The following ITIH2 variants were observed in gnomAD, a reference collection of about 807,000 sequenced individuals.
ITIH2 encodes inter-alpha-trypsin inhibitor heavy chain 2, also known as inter-alpha-trypsin inhibitor heavy chain H2.
ITIH2 carries 103 observed loss-of-function variants against 104.4 expected under a neutral mutation model. The ratio of observed to expected loss-of-function variants is 0.99; its 90% CI spans 0.84 to 1.16. ITIH2 has a LOEUF of 1.16. ITIH2 is among the 50% of genes most tolerant of loss of function. ITIH2 has a pLI of 0.00. For synonymous variants in ITIH2, 436 were observed against 435.4 expected (o/e 1.00, Z -0.02); for missense variants, 1,108 against 1,162.4 (o/e 0.95, Z 0.68).
chr10:7,733,932 T>C (rs1319019948), intron 14 of ITIH2, among the ~76,000 whole-genome samples: 1 of 151,502 alleles, frequency 6.6e-6, no homozygotes, highest in Non-Finnish European at 1.5e-5. Flanking sequence ...AAACGAGAAA[T>C]AGCTCCCTCT....
chr10:7,720,315 A>G (rs1834889605), intron 6 of ITIH2, among the ~76,000 whole-genome samples: 1 of 152,226 alleles, frequency 6.6e-6, no homozygotes, highest in Admixed American at 6.5e-5. Context: ...TTACACAAAA[A>G]TATAAACAAA....
chr10:7,704,732 G>A (rs58674050), intron 1 of ITIH2, among the ~76,000 whole-genome samples: 1 of 152,310 alleles, frequency 6.6e-6, no homozygotes, highest in African/African-American at 2.4e-5. Context: ...CAGAGGTAGA[G>A]GAAAGAATAT....
chr10:7,746,847 C>T, intron 20 of ITIH2, 143 bp downstream of exon 20: 2 of 584,018 alleles, frequency 3.4e-6, no homozygotes, highest in Non-Finnish European at 3.2e-6. Flanking sequence ...ACGCACACAG[C>T]ATTCGCATAA....
intron 14 of ITIH2, 23 bp downstream of exon 14, chr10:7,732,500 A>G: frequency 1.3e-6 from 2 of 1,599,992 alleles, no homozygotes; most frequent in Non-Finnish European, 1.7e-6. Context: ...GAGTACCCAC[A>G]CCACGAGATC....
intron 4 of ITIH2, among the ~76,000 whole-genome samples, chr10:7,711,154 T>C (rs1160070671): frequency 3.9e-5 from 6 of 152,176 alleles, no homozygotes; most frequent in Non-Finnish European, 8.8e-5. Context: ...GTGTTCTCAT[T>C]GTTCAACTCC....
rs184807673 is a variant in ITIH2 at position 7,713,625 on chromosome 10, A to G, written c.467+340A>G. The stretch of plus-strand genomic sequence containing the variant: ...GTGATCTTGTTACGAAACTTAACAT[A>G]TAAGCAGAAGGAAAAGTTTGAAATT... On this transcript the variant is annotated intron_variant, in intron 5 of 20. Transcript: ENST00000358415. Among the ~76,000 whole-genome samples the G allele has an allele frequency of 1.6e-3, 244 of 152,384 alleles. 4 individuals are homozygous for G. The highest frequency in any genetic ancestry group is 7.3e-3 in the East Asian group (38 of 5,194).
At chr10:7,742,602 G>C (rs780276312) in intron 16 of ITIH2, among the ~76,000 whole-genome samples, 6 of 152,082 alleles carry the variant, frequency 3.9e-5, no homozygotes, top group African/African-American at 7.2e-5. Context: ...ACATTAGCTA[G>C]ACATGGTGGC....
intron 3 of ITIH2, among the ~76,000 whole-genome samples, chr10:7,707,922 G>A (rs1300887265): frequency 6.6e-6 from 1 of 152,186 alleles, no homozygotes. Flanking sequence ...AGTGCCCGTG[G>A]AAAGGAACTT....
chr10:7,721,977 C>A (rs1457391540), intron 8 of ITIH2, among the ~76,000 whole-genome samples, 200 bp downstream of exon 8: 2 of 152,116 alleles, frequency 1.3e-5, no homozygotes, highest in African/African-American at 2.4e-5. Context: ...TGAATAGGGT[C>A]TCATGCTCTT....
At chr10:7,746,393 T>TA (rs1468748018) in intron 19 of ITIH2, among the ~76,000 whole-genome samples, 200 bp from the exon 20 acceptor site, 4 of 151,076 alleles carry the variant, frequency 2.6e-5, no homozygotes, top group African/African-American at 9.7e-5. Flanking sequence ...AAAATAAAAA[T>TA]AAAAAAAAGA....
intron 11 of ITIH2, among the ~76,000 whole-genome samples, chr10:7,729,170 T>C (rs924277451): frequency 1.3e-5 from 2 of 152,040 alleles, no homozygotes; most frequent in Non-Finnish European, 2.9e-5. Flanking sequence ...AAAATTAGCC[T>C]GACAGGGCGG....
chr10:7,717,608 G>A lies in ITIH2; in HGVS notation c.468-18G>A. On this transcript the variant is annotated intron_variant, in intron 5 of 20. Transcript: ENST00000358415. ...AATCATGTATCTGTTGACTTTTGTTGGGGGCTTTCACCTTTAGGAGCAGCG... is the reference window on the plus strand; with the variant it reads ...AATCATGTATCTGTTGACTTTTGTTAGGGGCTTTCACCTTTAGGAGCAGCG... 1.2e-6 allele frequency: 2 copies of A among 1,606,738 alleles called. No individual in the cohort carries two copies. Among genetic ancestry groups the A allele is most frequent in the Non-Finnish European group, 1.7e-6 (2 of 1,174,066 alleles).
At chr10:7,733,101 A>T (rs1477028606) in intron 14 of ITIH2, among the ~76,000 whole-genome samples, 1 of 152,098 alleles carries the variant, frequency 6.6e-6, no homozygotes, top group African/African-American at 2.4e-5. Context: ...ACCCAGATCC[A>T]GATGTAGGTT....
At chr10:7,727,356 T>C (rs1834960122) in intron 10 of ITIH2, among the ~76,000 whole-genome samples, 1 of 152,256 alleles carries the variant, frequency 6.6e-6, no homozygotes, top group Non-Finnish European at 1.5e-5. Flanking sequence ...TCAGTGACAC[T>C]GGCCTTCTTT....
intron 6 of ITIH2, among the ~76,000 whole-genome samples, chr10:7,718,403 C>T (rs942354076): frequency 2.0e-5 from 3 of 152,102 alleles, no homozygotes; most frequent in South Asian, 2.1e-4. Flanking sequence ...AGAGGTTGGG[C>T]GCATCTTTAG....
intron 1 of ITIH2, 116 bp from the exon 2 acceptor site, chr10:7,704,992 G>A (rs1273749129): frequency 3.1e-6 from 2 of 643,366 alleles, no homozygotes; most frequent in Non-Finnish European, 5.3e-6. Flanking sequence ...AATGGGTGTA[G>A]CAAACCAACA....
intron 8 of ITIH2, among the ~76,000 whole-genome samples, chr10:7,722,902 C>T (rs1588454822): frequency 1.3e-5 from 2 of 152,176 alleles, no homozygotes; most frequent in South Asian, 2.1e-4. Flanking sequence ...CCTGATTCAC[C>T]GCTGGTTAGC....
chr10:7,735,829 C>G (rs564745600), intron 15 of ITIH2, among the ~76,000 whole-genome samples: 1 of 151,872 alleles, frequency 6.6e-6, no homozygotes, highest in Non-Finnish European at 1.5e-5. Flanking sequence ...TGTGCCACCA[C>G]GCCCAGCTAA....
At chr10:7,748,102 G>A (rs1054221690) in intron 20 of ITIH2, among the ~76,000 whole-genome samples, 10 of 150,510 alleles carry the variant, frequency 6.6e-5, no homozygotes, top group Admixed American at 2.0e-4. Flanking sequence ...CCAGCTACTC[G>A]GGAGGCTGAG....
Sources: gnomAD v4.1 joint callset for allele counts (sites outside exome capture counted in the v4.1 genomes callset) on GRCh38, gnomAD v4.1.1 for gene constraint, MANE v1.5 for transcripts, NCBI Gene and HGNC (gene_info 2026-07-23, HGNC 2026-07-21) for gene names.